TTC8: variants seen among roughly 807,000 people sequenced by gnomAD.
TTC8 encodes the protein tetratricopeptide repeat domain 8, also known as tetratricopeptide repeat protein 8.
Under a neutral mutation model 72.5 loss-of-function variants are expected in TTC8, and 47 were observed. The ratio of observed to expected loss-of-function variants is 0.65; its 90% CI spans 0.51 to 0.83. The LOEUF (loss-of-function observed/expected upper bound fraction) is 0.83. TTC8 is among the 40% of genes least tolerant of loss of function. The probability of loss-of-function intolerance (pLI) is 0.00; values close to 1 mark genes in which losing one functional copy is unlikely to be tolerated. For synonymous variants in TTC8, 199 were observed against 221.4 expected (o/e 0.90, Z 0.90); for missense variants, 611 against 623.2 (o/e 0.98, Z 0.21).
chr14:88,879,677 T>C (rs1316835333), downstream of TTC8: 1 of 147,220 alleles, frequency 6.8e-6, no homozygotes, highest in Non-Finnish European at 1.5e-5. Flanking sequence ...ATTATTATTA[T>C]TATTATTATT....
At chr14:88,878,564 A>G (rs1051291577), downstream of TTC8, 15 of 152,360 alleles carry the variant, frequency 9.8e-5, no homozygotes, top group Admixed American at 3.3e-4. Context: ...GCCCCGCGTC[A>G]CATCCATAGC....
intron 10 of TTC8, among the ~76,000 whole-genome samples, chr14:88,862,593 TA>T (rs2094892629): frequency 1.2e-5 from 1 of 82,914 alleles, no homozygotes; most frequent in Non-Finnish European, 2.3e-5. Flanking sequence ...TATATATATA[TA>T]TATTTAGAGA....
At position 88,865,992 on chromosome 14, in the gene TTC8, A is replaced by T. The variant is rs1225066870; in HGVS notation, c.910-4067A>T. On this transcript the variant is annotated intron_variant, in intron 10 of 14. Transcript: ENST00000380656. ...TACTTGGTTATTTAATAAATAGTTT[A>T]AAAATAGAGCTGGATGAGTAATGAT... 3.9e-5 allele frequency among the ~76,000 whole-genome samples: 6 copies of T among 152,100 alleles called. No homozygotes were observed. In the East Asian group the frequency reaches 7.7e-4, roughly 20 times the overall value.
intron 3 of TTC8, 113 bp downstream of exon 3, chr14:88,839,685 A>C: frequency 8.1e-7 from 1 of 1,236,516 alleles, no homozygotes; most frequent in Non-Finnish European, 1.1e-6. Flanking sequence ...TATAAACATT[A>C]TAGACATGAA....
chr14:88,861,987 A>G (rs564268326), intron 10 of TTC8, among the ~76,000 whole-genome samples: 1 of 152,236 alleles, frequency 6.6e-6, no homozygotes, highest in East Asian at 1.9e-4. Flanking sequence ...TCTTTTGGGT[A>G]TATATTCAGC....
intron 14 of TTC8, 144 bp from the exon 15 acceptor site, chr14:88,877,149 GT>G: frequency 1.5e-6 from 1 of 653,836 alleles, no homozygotes; most frequent in South Asian, 1.8e-5. Context: ...GAGTTATGAT[GT>G]TAGTTGTGGG....
At chr14:88,828,357 T>C (rs1287667) in intron 1 of TTC8, among the ~76,000 whole-genome samples, 152,173 of 152,318 alleles carry the variant, frequency 1, 76,014 homozygotes, top group Middle Eastern at 1. Context: ...GACCAGAGCG[T>C]GAGCAGATGG....
intron 2 of TTC8, 141 bp downstream of exon 2, chr14:88,833,863 C>A: frequency 1.4e-6 from 1 of 728,976 alleles, no homozygotes; most frequent in Admixed American, 2.1e-5. Context: ...CATTCTGTGC[C>A]TTCTTATGTA....
In TTC8 at chr14:88,824,701, G is replaced by C. The variant is rs373886795; in HGVS notation, c.-7G>C. 1.3e-6 allele frequency: 2 copies of C among 1,599,892 alleles called. No homozygotes were observed. The highest frequency in any genetic ancestry group is 2.3e-5 in the East Asian group (1 of 44,414). On this transcript the variant is annotated 5_prime_UTR_variant, in exon 1 of 15. Transcript: ENST00000380656. ...GCGCTGGGCCTTCGCTGGCCGCACC[G>C]GCAGCCATGAGCTCGGAGATGGAGC...
intron 8 of TTC8, among the ~76,000 whole-genome samples, chr14:88,853,985 A>G (rs1405174865): frequency 2.6e-5 from 4 of 152,190 alleles, no homozygotes; most frequent in Non-Finnish European, 4.4e-5. Context: ...CTCTGAGAAA[A>G]AAGAAGACTA....
At chr14:88,850,241 G>T (rs2094827547) in intron 7 of TTC8, among the ~76,000 whole-genome samples, 1 of 152,120 alleles carries the variant, frequency 6.6e-6, no homozygotes, top group South Asian at 2.1e-4. Flanking sequence ...GGTTTTTAAG[G>T]TGTTGTCAAC....
At chr14:88,843,694 A>T in intron 6 of TTC8, 112 bp from the exon 7 acceptor site, 1 of 697,264 alleles carries the variant, frequency 1.4e-6, no homozygotes, top group South Asian at 1.9e-5. Context: ...AGTGATAGTA[A>T]CAAAAGATGG....
rs773453278 is a variant in TTC8 at position 88,841,063 on chromosome 14, T to C, written c.356T>C (p.Ile119Thr). The change falls in exon 5 of 15, where the codon ATT becomes ACT. Residue 119 changes from isoleucine to threonine, a missense_variant. Ile to Thr is a moderately conservative substitution (Grantham distance 89). Coordinates refer to ENST00000380656, the MANE Select transcript of TTC8 (RefSeq NM_144596.4). ...CCAATCACACAAGCTGGAAGACCCATTACAGGTTTCCTCAGGCCCAGCACG... is the reference window on the plus strand; with the variant it reads ...CCAATCACACAAGCTGGAAGACCCACTACAGGTTTCCTCAGGCCCAGCACG... ...VRPITQAGRP[I>T]TGFLRPSTQS... The C allele has an allele frequency of 1.9e-6, 3 of 1,614,076 alleles. No individual in the cohort carries two copies. The highest frequency in any genetic ancestry group is 2.5e-6 in the Non-Finnish European group (3 of 1,179,980).
At position 88,843,791 on chromosome 14, in the gene TTC8, C is replaced by CT. The variant is rs747642574; in HGVS notation, c.580-9dup. 1.3e-6 allele frequency: 2 copies of CT among 1,582,786 alleles called. No individual in the cohort carries two copies. Among genetic ancestry groups the CT allele is most frequent in the South Asian group, 2.3e-5 (2 of 86,740 alleles). Reference sequence around the variant, plus strand: ...AAAAAAATCTAACGTATTTTTGACACTTTTTTCTTCACAGGCTTTGTTTGA... The same window carrying CT: ...AAAAAAATCTAACGTATTTTTGACACTTTTTTTCTTCACAGGCTTTGTTTGA... On this transcript the variant is annotated splice_polypyrimidine_tract_variant and intron_variant, in intron 6 of 14. Coordinates refer to ENST00000380656, the MANE Select transcript of TTC8 (RefSeq NM_144596.4).
At position 88,857,273 on chromosome 14, in the gene TTC8, C is replaced by A; in HGVS notation, c.794C>A (p.Ala265Glu). The change falls in exon 9 of 15, where the codon GCA becomes GAA. Residue 265 changes from alanine to glutamate, a missense_variant. Coordinates refer to ENST00000380656, the MANE Select transcript of TTC8 (RefSeq NM_144596.4). ...ATGGTAGATACATTTCTGTACTTGGCAAAAGTAAGTAAATCTTAATTTGAG... is the reference window on the plus strand; with the variant it reads ...ATGGTAGATACATTTCTGTACTTGGAAAAAGTAAGTAAATCTTAATTTGAG... ...QEMVDTFLYL[A>E]KVYVSLDQPV... The A allele has an allele frequency of 4.3e-6, 7 of 1,613,082 alleles. No individual in the cohort carries two copies. The highest frequency in any genetic ancestry group is 5.9e-6 in the Non-Finnish European group (7 of 1,179,252).
downstream of TTC8, chr14:88,880,378 G>A (rs1406337413): frequency 1.3e-5 from 2 of 152,156 alleles, no homozygotes; most frequent in Non-Finnish European, 2.9e-5. Context: ...CTTCTTTGAT[G>A]TCAAAGCCAG....
intron 3 of TTC8, among the ~76,000 whole-genome samples, chr14:88,840,499 A>C (rs2094774984): frequency 6.6e-6 from 1 of 152,138 alleles, no homozygotes; most frequent in Non-Finnish European, 1.5e-5. Context: ...TATTGGGAGA[A>C]GTTTGTATGA....
At chr14:88,856,129 A>G (rs1046197590) in intron 8 of TTC8, among the ~76,000 whole-genome samples, 9 of 152,182 alleles carry the variant, frequency 5.9e-5, no homozygotes, top group African/African-American at 2.2e-4. Flanking sequence ...GTACATATAT[A>G]TGTTGGTTTT....
chr14:88,840,634 T>C (rs1313740537), intron 3 of TTC8, among the ~76,000 whole-genome samples: 4 of 152,198 alleles, frequency 2.6e-5, no homozygotes, highest in Non-Finnish European at 5.9e-5. Context: ...CTTTGTTAAA[T>C]AGGTTAATAC....
Sources: gnomAD v4.1 joint callset for allele counts (sites outside exome capture counted in the v4.1 genomes callset) on GRCh38, gnomAD v4.1.1 for gene constraint, MANE v1.5 for transcripts, NCBI Gene and HGNC (gene_info 2026-07-23, HGNC 2026-07-21) for gene names.